Variants in ELOVL2 observed in about 807,000 individuals in gnomAD.
ELOVL2 encodes very long chain fatty acid elongase 2.
Under a neutral mutation model 37.7 loss-of-function variants are expected in ELOVL2, and 38 were observed. The observed-to-expected ratio is 1.01, with a 90% CI of 0.78 to 1.32. The LOEUF (loss-of-function observed/expected upper bound fraction) is 1.32, where lower values mean the gene tolerates loss of function less well. Among genes scored for constraint, ELOVL2 ranks in the 40% most tolerant of loss-of-function variants. ELOVL2 has a pLI of 0.00. For missense variants in ELOVL2, 352 were observed against 363.6 expected, an observed-to-expected ratio of 0.97 and a Z score of 0.26; for synonymous variants, 115 against 122.3, an observed-to-expected ratio of 0.94 and a Z score of 0.40.
intron 1 of ELOVL2, among the ~76,000 whole-genome samples, chr6:11,027,259 C>G (rs746423973): frequency 1.3e-5 from 2 of 152,146 alleles, no homozygotes; most frequent in African/African-American, 4.8e-5. Context: ...TGTAAAGGCT[C>G]AAGAATGAGC....
chr6:11,037,455 T>C (rs1271026784), intron 1 of ELOVL2, among the ~76,000 whole-genome samples: 4 of 151,488 alleles, frequency 2.6e-5, no homozygotes, highest in Non-Finnish European at 4.4e-5. Flanking sequence ...TAAAACCAAA[T>C]AGTAAATACC....
rs1406714610 is a variant in ELOVL2, at chr6:11,044,099, G to T, written c.3+129C>A. ...CCGCGCGGACCCGGCCCCTCCGAGG[G>T]TAGCGGGTTCCAGCGGCGAACCCGC... On this transcript the variant is annotated intron_variant, in intron 1 of 7. Transcript: ENST00000354666. This position sits in a 1 kb window ranked among gnomAD's most constrained non-coding sequence, Gnocchi z 5.6. 2.5e-6 allele frequency: 3 copies of T among 1,202,904 alleles called. No individual in the cohort carries two copies. The highest frequency in any genetic ancestry group is 3.2e-6 in the Non-Finnish European group (3 of 932,328). The allele number at this position is 1,202,904 out of a possible 1,614,324, so 74.5% of individuals were successfully genotyped here.
chr6:10,994,447 A>C (rs989382443), intron 5 of ELOVL2, among the ~76,000 whole-genome samples: 2 of 148,138 alleles, frequency 1.4e-5, no homozygotes, highest in Non-Finnish European at 1.5e-5. Flanking sequence ...CAGCCTGGGC[A>C]ACAAGAGTGA....
Position 10,982,966 on chromosome 6 carries a change from C to T in ELOVL2, c.*815G>A, listed in dbSNP as rs1781967484. 6.6e-6 allele frequency: 1 copy of T among 152,174 alleles called. No individual in the cohort carries two copies. Among genetic ancestry groups the T allele is most frequent in the Admixed American group, 6.5e-5 (1 of 15,276 alleles). 9.4% of individuals were successfully genotyped at this position (152,174 alleles called of 1,614,324 possible). The stretch of plus-strand genomic sequence containing the variant: ...AGTGCTTGCTCAGAAAGTAAACGGG[C>T]AGCCAGATTTGTACACTGCTCGTGG... On this transcript the variant is annotated 3_prime_UTR_variant, in exon 8 of 8. Coordinates refer to ENST00000354666, the MANE Select transcript of ELOVL2 (RefSeq NM_017770.4).
intron 5 of ELOVL2, among the ~76,000 whole-genome samples, chr6:10,992,804 A>ACAAAAC (rs201000857): frequency 9.3e-4 from 129 of 138,854 alleles, no homozygotes; most frequent in Admixed American, 3.2e-3. Flanking sequence ...ACAAAACAAA[A>ACAAAAC]AAAAACAAAA....
In ELOVL2 at chr6:11,044,248, G is replaced by C; in HGVS notation, c.-18C>G. 1 of 1,345,088 alleles carries C rather than the reference G, an allele frequency of 7.4e-7. No homozygotes were observed. Among genetic ancestry groups the C allele is most frequent in the Non-Finnish European group, 9.5e-7 (1 of 1,049,960 alleles). 83.3% of individuals were successfully genotyped at this position (1,345,088 alleles called of 1,614,324 possible). On this transcript the variant is annotated 5_prime_UTR_variant, in exon 1 of 8. Transcript: ENST00000354666. The surrounding 1 kb of genome is among the most constrained non-coding windows in gnomAD (Gnocchi z 5.6). ...CTCACCATGATCCGCAGCGGCTGTGGCGCGGCGACCCGGGCGGGCGGCGAT... is the reference window on the plus strand; with the variant it reads ...CTCACCATGATCCGCAGCGGCTGTGCCGCGGCGACCCGGGCGGGCGGCGAT...
chr6:11,018,502 T>G (rs554858067), intron 1 of ELOVL2, among the ~76,000 whole-genome samples: 2 of 152,352 alleles, frequency 1.3e-5, no homozygotes, highest in East Asian at 3.9e-4. Flanking sequence ...AAGCTTTCAT[T>G]GAACACAGTT....
Position 11,044,259 on chromosome 6 carries a change from C to G in ELOVL2, c.-29G>C, listed in dbSNP as rs749237423. ...CCGCAGCGGCTGTGGCGCGGCGACC[C>G]GGGCGGGCGGCGATGCGCTGTCCAG... On this transcript the variant is annotated 5_prime_UTR_variant, in exon 1 of 8. Coordinates refer to ENST00000354666, the MANE Select transcript of ELOVL2 (RefSeq NM_017770.4). The surrounding 1 kb of genome is among the most constrained non-coding windows in gnomAD (Gnocchi z 5.6). 20 of 1,328,146 alleles carry G rather than the reference C, an allele frequency of 1.5e-5. No homozygotes were observed. The highest frequency in any genetic ancestry group is 2.9e-4 in the Middle Eastern group (1 of 3,390). 82.3% of individuals were successfully genotyped at this position (1,328,146 alleles called of 1,614,324 possible).
intron 1 of ELOVL2, among the ~76,000 whole-genome samples, chr6:11,025,714 GTC>G (rs201653091): frequency 0.016 from 2,484 of 152,250 alleles, 62 homozygotes; most frequent in African/African-American, 0.056. Context: ...GTCTTCCCTT[GTC>G]TATTAGATAC....
At chr6:11,039,959 G>A (rs1400755163) in intron 1 of ELOVL2, among the ~76,000 whole-genome samples, 2 of 152,158 alleles carry the variant, frequency 1.3e-5, no homozygotes, top group East Asian at 1.9e-4. Flanking sequence ...CATTTTCCAA[G>A]AGACAGGAAG....
intron 1 of ELOVL2, among the ~76,000 whole-genome samples, chr6:11,042,623 T>C (rs1187835929): frequency 6.6e-6 from 1 of 151,886 alleles, no homozygotes; most frequent in Non-Finnish European, 1.5e-5. Flanking sequence ...TTGTCCACTC[T>C]GATGCCAAGG....
intron 2 of ELOVL2, among the ~76,000 whole-genome samples, chr6:11,007,631 C>A (rs1782502144): frequency 6.6e-6 from 1 of 152,168 alleles, no homozygotes; most frequent in African/African-American, 2.4e-5. Context: ...CAGTTTGTGG[C>A]ACTTTTTATG....
chr6:11,029,707 A>G (rs1782893928), intron 1 of ELOVL2, among the ~76,000 whole-genome samples: 1 of 152,230 alleles, frequency 6.6e-6, no homozygotes, highest in Non-Finnish European at 1.5e-5. Context: ...GAGAATAACA[A>G]AATTCCAGTT....
In ELOVL2 at chr6:11,035,211, C is replaced by T. The variant is rs151176640; in HGVS notation, c.3+9017G>A. ...GTTCTACACTACATTCCTTCCTTCCCTACATACCAAAATCCAACCCCTTCA... is the reference window on the plus strand; with the variant it reads ...GTTCTACACTACATTCCTTCCTTCCTTACATACCAAAATCCAACCCCTTCA... On this transcript the variant is annotated intron_variant, in intron 1 of 7. Coordinates refer to ENST00000354666, the MANE Select transcript of ELOVL2 (RefSeq NM_017770.4). Among the ~76,000 whole-genome samples, 1,030 of 152,184 alleles carry T rather than the reference C, an allele frequency of 6.8e-3. 2 individuals carry two copies. Among genetic ancestry groups the T allele is most frequent in the Admixed American group, 0.011 (164 of 15,264 alleles).
intron 2 of ELOVL2, 132 bp from the exon 3 acceptor site, chr6:11,005,691 G>T: frequency 1.4e-6 from 1 of 739,086 alleles, no homozygotes; most frequent in Non-Finnish European, 2.1e-6. Flanking sequence ...AGGTAGGCTG[G>T]CCTGGGTTTA....
At chr6:11,005,628 A>G (rs1782468921) in intron 2 of ELOVL2, 69 bp from the exon 3 acceptor site, 1 of 1,319,864 alleles carries the variant, frequency 7.6e-7, no homozygotes, top group African/African-American at 1.5e-5. Flanking sequence ...GTATTGTCAC[A>G]TACATTGCAT....
chr6:11,004,861 T>G (rs1041647172), intron 3 of ELOVL2, among the ~76,000 whole-genome samples: 1 of 152,074 alleles, frequency 6.6e-6, no homozygotes, highest in African/African-American at 2.4e-5. Flanking sequence ...GACTAGAGAC[T>G]AAAGAAATAG....
intron 4 of ELOVL2, among the ~76,000 whole-genome samples, chr6:10,997,069 C>T (rs187399908): frequency 1.3e-5 from 2 of 151,714 alleles, no homozygotes; most frequent in Admixed American, 1.3e-4. Context: ...TACCATCTGT[C>T]TTAATAATAT....
At chr6:10,994,943 A>C in intron 5 of ELOVL2, 64 bp downstream of exon 5, 1 of 1,329,728 alleles carries the variant, frequency 7.5e-7, no homozygotes, top group South Asian at 1.5e-5. Flanking sequence ...TGCTTAATAC[A>C]AGACAGCACC....
Sources: allele counts gnomAD v4.1 joint callset (sites outside exome capture counted in the v4.1 genomes callset), GRCh38; gene constraint gnomAD v4.1.1; non-coding constraint Gnocchi (gnomAD v3.1); transcripts MANE v1.5; gene names NCBI Gene and HGNC (gene_info 2026-07-23, HGNC 2026-07-21).